MICU1: variants seen among roughly 807,000 people sequenced by gnomAD.
MICU1 encodes calcium uptake protein 1, mitochondrial.
In MICU1, 45 loss-of-function variants were observed where a neutral mutation model predicts 56.8. The ratio of observed to expected loss-of-function variants is 0.79; its 90% CI spans 0.62 to 1.02. The LOEUF (loss-of-function observed/expected upper bound fraction) is 1.02, where lower values mean the gene tolerates loss of function less well. Ranked by LOEUF, MICU1 falls within the 50% of genes least tolerant of loss-of-function variation. MICU1 has a pLI of 0.00. For synonymous variants in MICU1, 186 were observed against 195.1 expected (o/e 0.95, Z 0.39); for missense variants, 504 against 587.1 (o/e 0.86, Z 1.46).
intron 8 of MICU1, among the ~76,000 whole-genome samples, chr10:72,441,095 G>A (rs1864908685): frequency 6.6e-6 from 1 of 152,120 alleles, no homozygotes; most frequent in African/African-American, 2.4e-5. Flanking sequence ...AAAGACACAT[G>A]CACATGTATG....
chr10:72,533,296 T>C (rs1031765271), intron 5 of MICU1: 25 of 419,748 alleles, frequency 6.0e-5, no homozygotes, highest in African/African-American at 2.3e-4. Context: ...TGCAAACTTA[T>C]AGGCAAATCT....
intron 1 of MICU1, among the ~76,000 whole-genome samples, chr10:72,603,008 C>T (rs554931098): frequency 6.6e-6 from 1 of 151,786 alleles, no homozygotes; most frequent in Non-Finnish European, 1.5e-5. Context: ...CCCAGCTACT[C>T]GGAGGCTGAG....
chr10:72,496,550 C>T (rs1279988750), intron 6 of MICU1, among the ~76,000 whole-genome samples: 1 of 152,210 alleles, frequency 6.6e-6, no homozygotes, highest in Non-Finnish European at 1.5e-5. Context: ...GATCCACCTG[C>T]CTTCACCTCC....
intron 10 of MICU1, among the ~76,000 whole-genome samples, chr10:72,398,019 C>T (rs1863325898): frequency 6.6e-6 from 1 of 152,154 alleles, no homozygotes; most frequent in African/African-American, 2.4e-5. Flanking sequence ...CTAAAATTGA[C>T]CACATAATTG....
intron 6 of MICU1, among the ~76,000 whole-genome samples, chr10:72,502,185 C>T (rs1378201662): frequency 1.4e-5 from 2 of 141,852 alleles, no homozygotes; most frequent in African/African-American, 5.3e-5. Flanking sequence ...GAGTCAGTCT[C>T]GCTCTGTCTT....
chr10:72,453,865 C>T (rs1374565188), intron 8 of MICU1, among the ~76,000 whole-genome samples: 2 of 143,460 alleles, frequency 1.4e-5, no homozygotes, highest in Admixed American at 7.0e-5. Context: ...GATGGAGTTT[C>T]GTTCTTGTCA....
In MICU1 at chr10:72,573,307, C is replaced by CAAAA. The variant is rs58866778; in HGVS notation, c.-1-6517_-1-6514dup. On this transcript the variant is annotated intron_variant, in intron 1 of 11. Transcript: ENST00000361114. Reference sequence around the variant, plus strand: ...AAACATAATGAGACCCCCATCACTACAAAAAAAAAAAAAAAAAAAAAAAAA... The same window carrying CAAAA: ...AAACATAATGAGACCCCCATCACTACAAAAAAAAAAAAAAAAAAAAAAAAAAAAA... Among the ~76,000 whole-genome samples the CAAAA allele has an allele frequency of 1.8e-3, 38 of 21,034 alleles. 4 individuals are homozygous for CAAAA. The highest frequency in any genetic ancestry group is 7.6e-3 in the African/African-American group (35 of 4,600). 13.8% of individuals were successfully genotyped at this position (21,034 alleles called of 152,430 possible). A position where few individuals can be genotyped will look rare whatever the true frequency, so the allele number is the denominator to read the frequency against.
chr10:72,512,107 GTT>G (rs869183579), intron 5 of MICU1, among the ~76,000 whole-genome samples: 3 of 29,524 alleles, frequency 1.0e-4, no homozygotes, highest in Non-Finnish European at 2.3e-4. Context: ...GTTGTTTTTT[GTT>G]TTTTTTTTTT....
intron 10 of MICU1, among the ~76,000 whole-genome samples, chr10:72,385,103 G>C (rs1862843780): frequency 6.6e-6 from 1 of 152,114 alleles, no homozygotes; most frequent in Admixed American, 6.6e-5. Flanking sequence ...GCAGCAGTAG[G>C]TGCCAGGGTA....
intron 4 of MICU1, among the ~76,000 whole-genome samples, chr10:72,547,146 G>A (rs1010652566): frequency 6.6e-6 from 1 of 152,014 alleles, no homozygotes; most frequent in Non-Finnish European, 1.5e-5. Context: ...GTCCATGTCG[G>A]CCTCCCAAAG....
At chr10:72,386,554 C>T (rs1485523878) in intron 10 of MICU1, among the ~76,000 whole-genome samples, 4 of 134,842 alleles carry the variant, frequency 3.0e-5, no homozygotes, top group African/African-American at 1.1e-4. Context: ...TCCCCCGCCA[C>T]CTATTTTTTT....
intron 6 of MICU1, among the ~76,000 whole-genome samples, chr10:72,495,215 T>C (rs1436438423): frequency 1.4e-5 from 2 of 141,910 alleles, no homozygotes; most frequent in Non-Finnish European, 3.0e-5. Context: ...TAGACCCCCA[T>C]CCCTAACTTC....
chr10:72,444,879 C>A (rs1250977604), intron 8 of MICU1, among the ~76,000 whole-genome samples: 1 of 152,178 alleles, frequency 6.6e-6, no homozygotes, highest in Non-Finnish European at 1.5e-5. Context: ...CTGTATTAAT[C>A]ATCTAACAGG....
chr10:72,395,513 A>G (rs906166366), intron 10 of MICU1, among the ~76,000 whole-genome samples: 1 of 152,068 alleles, frequency 6.6e-6, no homozygotes, highest in Non-Finnish European at 1.5e-5. Context: ...GGGTCAGGGG[A>G]TTTCTCTTTC....
chr10:72,414,249 T>C (rs1863913390), intron 9 of MICU1, among the ~76,000 whole-genome samples: 1 of 152,088 alleles, frequency 6.6e-6, no homozygotes, highest in Admixed American at 6.5e-5. Flanking sequence ...AAATTTAGTA[T>C]ATCCAAGCAA....
At chr10:72,551,380 AATGCTCAT>A in intron 3 of MICU1, 39 bp from the exon 4 acceptor site, 1 of 1,462,440 alleles carries the variant, frequency 6.8e-7, no homozygotes, top group South Asian at 1.3e-5. Flanking sequence ...TATATTAAGC[AATGCTCAT>A]ATGCTCATAT....
chr10:72,600,254 T>TGCACTCCAGCCTGGGTGACAAGAGTG (rs1841489185), intron 1 of MICU1, among the ~76,000 whole-genome samples: 1 of 147,744 alleles, frequency 6.8e-6, no homozygotes. Context: ...ACTGTGCCAT[T>TGCACTCCAGCCTGGGTGACAAGAGTG]GCACTCCAGC....
In MICU1 at chr10:72,563,006, T is replaced by A; in HGVS notation, c.219A>T (p.Lys73Asn). 6.2e-7 allele frequency: 1 copy of A among 1,607,886 alleles called. No homozygotes were observed. Among genetic ancestry groups the A allele is most frequent in the Non-Finnish European group, 8.5e-7 (1 of 1,177,272 alleles). The change falls in exon 3 of 12, where the codon AAA becomes AAT. Residue 73 changes from lysine to asparagine, a missense_variant. Coordinates refer to ENST00000361114, the MANE Select transcript of MICU1 (RefSeq NM_001195518.2). ...CATCCCCTTCATCTTTATTCTTCCCTTTATCACCGATGTCACTTTTTAGGT... is the reference window on the plus strand; with the variant it reads ...CATCCCCTTCATCTTTATTCTTCCCATTATCACCGATGTCACTTTTTAGGT... ...VDNLKSDIGD[K>N]GKNKDEGDVC...
At chr10:72,384,854 T>C (rs1380928906) in intron 10 of MICU1, among the ~76,000 whole-genome samples, 2 of 152,176 alleles carry the variant, frequency 1.3e-5, no homozygotes, top group African/African-American at 4.8e-5. Context: ...TTTTACCAAA[T>C]GTAATGATGA....
Sources: allele counts gnomAD v4.1 joint callset (sites outside exome capture counted in the v4.1 genomes callset), GRCh38; gene constraint gnomAD v4.1.1; transcripts MANE v1.5; gene names NCBI Gene and HGNC (gene_info 2026-07-23, HGNC 2026-07-21).